ADAMTSL1: variants seen among roughly 807,000 people sequenced by gnomAD.
ADAMTSL1 encodes the protein ADAMTS-like protein 1.
In ADAMTSL1, 126 loss-of-function variants were observed where a neutral mutation model predicts 201.8. That is an observed-to-expected ratio of 0.62 (90% CI 0.54 to 0.72). The LOEUF (loss-of-function observed/expected upper bound fraction) is 0.72, where lower values mean the gene tolerates loss of function less well. Among genes scored for constraint, ADAMTSL1 ranks in the 30% least tolerant of loss-of-function variants. The pLI, the probability that ADAMTSL1 is intolerant of heterozygous loss-of-function variation, is 0.00. For missense variants in ADAMTSL1, 2,679 were observed against 2,277.8 expected (o/e 1.18, Z -3.59); for synonymous variants, 1,121 against 903.4 (o/e 1.24, Z -4.32).
intron 1 of ADAMTSL1, among the ~76,000 whole-genome samples, chr9:18,030,407 G>A (rs1293745716): frequency 6.6e-6 from 1 of 152,038 alleles, no homozygotes; most frequent in Non-Finnish European, 1.5e-5. Context: ...TGTGGTGGGG[G>A]GAGTGGGGAG....
chr9:18,597,913 C>T (rs1587673479), intron 4 of ADAMTSL1, among the ~76,000 whole-genome samples: 1 of 152,282 alleles, frequency 6.6e-6, no homozygotes, highest in African/African-American at 2.4e-5. Context: ...GGAAAATCCA[C>T]CCAGGCCCTA....
In ADAMTSL1 at chr9:18,325,482, G is replaced by C. The variant is rs578141982; in HGVS notation, c.207+161501G>C. Among the ~76,000 whole-genome samples the C allele has an allele frequency of 3.3e-5, 5 of 152,306 alleles. No homozygotes were observed. The South Asian group carries it at 1.0e-3, about 32-fold the overall frequency. On this transcript the variant is annotated intron_variant, in intron 2 of 29. Coordinates refer to the ADAMTSL1 transcript ENST00000680146. ...ACGTTATGTTGAGTGAAAGAAGTCA[G>C]ACACAAAATAAGATACACTATTGGA...
chr9:18,058,947 T>C (rs1474248872), intron 1 of ADAMTSL1, among the ~76,000 whole-genome samples: 1 of 152,216 alleles, frequency 6.6e-6, no homozygotes, highest in East Asian at 1.9e-4. Context: ...ATTTCATGGA[T>C]ATTCCTGTCT....
intron 15 of ADAMTSL1, among the ~76,000 whole-genome samples, chr9:18,746,737 T>C (rs976120695): frequency 6.8e-6 from 1 of 147,790 alleles, no homozygotes; most frequent in Non-Finnish European, 1.5e-5. Flanking sequence ...AGCAAAACCT[T>C]GGCAACTCAC....
chr9:18,166,083 G>C (rs574111276), intron 2 of ADAMTSL1, among the ~76,000 whole-genome samples: 2 of 152,006 alleles, frequency 1.3e-5, no homozygotes, highest in East Asian at 3.9e-4. Context: ...GAAAAAGGTT[G>C]AGCAGCATAC....
intron 2 of ADAMTSL1, among the ~76,000 whole-genome samples, chr9:18,179,353 C>A (rs1258466659): frequency 6.6e-6 from 1 of 152,130 alleles, no homozygotes; most frequent in East Asian, 1.9e-4. Context: ...ACGAGCGAAG[C>A]CTCCAAGAAA....
intron 7 of ADAMTSL1, among the ~76,000 whole-genome samples, chr9:18,650,887 T>G (rs935442731): frequency 6.6e-6 from 1 of 152,192 alleles, no homozygotes; most frequent in Non-Finnish European, 1.5e-5. Flanking sequence ...GTTTACTCTT[T>G]TATGGAATGG....
At chr9:18,214,070 G>C (rs549591411) in intron 2 of ADAMTSL1, among the ~76,000 whole-genome samples, 2 of 152,198 alleles carry the variant, frequency 1.3e-5, no homozygotes, top group East Asian at 3.9e-4. Context: ...AAAATTTTAC[G>C]TATTTAGTGT....
At chr9:18,139,760 T>G (rs1021111648) in intron 1 of ADAMTSL1, among the ~76,000 whole-genome samples, 1 of 152,188 alleles carries the variant, frequency 6.6e-6, no homozygotes, top group Non-Finnish European at 1.5e-5. Flanking sequence ...TTTTTCCCAC[T>G]CATATTGGTC....
intron 3 of ADAMTSL1, among the ~76,000 whole-genome samples, chr9:18,556,199 T>C (rs1256564559): frequency 6.6e-6 from 1 of 151,976 alleles, no homozygotes; most frequent in African/African-American, 2.4e-5. Context: ...ACTTTTCAAT[T>C]ATCTGCCCCT....
Position 18,303,559 on chromosome 9 carries a change from G to C in ADAMTSL1, c.207+139578G>C, listed in dbSNP as rs747794272. ...AGGTCAACAGAGTCACTGTGAGTGG[G>C]TTTCATGTTTAAGCAGCTCTCCACA... On this transcript the variant is annotated intron_variant, in intron 2 of 29. Coordinates refer to the ADAMTSL1 transcript ENST00000680146. 8.5e-5 allele frequency among the ~76,000 whole-genome samples: 13 copies of C among 152,272 alleles called. No individual in the cohort carries two copies. The East Asian group carries it at 1.4e-3, about 16-fold the overall frequency.
At chr9:18,276,188 T>C (rs182332959) in intron 2 of ADAMTSL1, among the ~76,000 whole-genome samples, 53 of 152,262 alleles carry the variant, frequency 3.5e-4, no homozygotes, top group African/African-American at 1.2e-3. Context: ...CCCTTTTTTA[T>C]TGGGTGTTTG....
At chr9:18,864,414 T>C (rs1827381522) in intron 23 of ADAMTSL1, among the ~76,000 whole-genome samples, 1 of 152,208 alleles carries the variant, frequency 6.6e-6, no homozygotes, top group Admixed American at 6.5e-5. Context: ...CTGAGCTGGC[T>C]TGATCTATCC....
At chr9:18,331,173 T>A (rs1371215130) in intron 2 of ADAMTSL1, among the ~76,000 whole-genome samples, 2 of 152,130 alleles carry the variant, frequency 1.3e-5, no homozygotes, top group Non-Finnish European at 2.9e-5. Context: ...AGAAGGAATG[T>A]GGCTCAATAG....
chr9:18,558,386 C>T (rs1046767436), intron 3 of ADAMTSL1, among the ~76,000 whole-genome samples: 1 of 152,180 alleles, frequency 6.6e-6, no homozygotes, highest in African/African-American at 2.4e-5. Flanking sequence ...ATATGTGTCA[C>T]ATTTTCTTAA....
intron 2 of ADAMTSL1, among the ~76,000 whole-genome samples, chr9:18,239,495 T>C (rs1262043450): frequency 6.6e-6 from 1 of 152,060 alleles, no homozygotes; most frequent in Non-Finnish European, 1.5e-5. Flanking sequence ...TCTCAGCATT[T>C]TGGGAGGCCG....
intron 4 of ADAMTSL1, among the ~76,000 whole-genome samples, chr9:18,582,340 T>G (rs1823153340): frequency 6.6e-6 from 1 of 152,196 alleles, no homozygotes; most frequent in African/African-American, 2.4e-5. Flanking sequence ...TCATCCATAC[T>G]GTGTTTGGAA....
At chr9:18,211,356 A>G (rs968806296) in intron 2 of ADAMTSL1, among the ~76,000 whole-genome samples, 1 of 152,154 alleles carries the variant, frequency 6.6e-6, no homozygotes, top group South Asian at 2.1e-4. Context: ...CATTCTACAG[A>G]TGTGAGTCTC....
At chr9:18,325,580 A>G (rs935543100) in intron 2 of ADAMTSL1, among the ~76,000 whole-genome samples, 2 of 152,188 alleles carry the variant, frequency 1.3e-5, no homozygotes, top group African/African-American at 4.8e-5. Context: ...TTTAAAAAGA[A>G]TGGAAATTTA....
Sources: gnomAD v4.1 joint callset for allele counts (sites outside exome capture counted in the v4.1 genomes callset) on GRCh38, gnomAD v4.1.1 for gene constraint, MANE v1.5 for transcripts, NCBI Gene and HGNC (gene_info 2026-07-23, HGNC 2026-07-21) for gene names.